EXOC4: variants seen among roughly 807,000 people sequenced by gnomAD.
EXOC4 encodes the protein SEC8-like 1.
Under a neutral mutation model 107.2 loss-of-function variants are expected in EXOC4, and 71 were observed. The observed-to-expected ratio is 0.66, with a 90% confidence interval of 0.55 to 0.81. The LOEUF is 0.81. Ranked by LOEUF, EXOC4 falls within the 30% of genes least tolerant of loss-of-function variation. EXOC4 has a pLI of 0.00. For missense variants in EXOC4, 1,108 were observed against 1,189.6 expected, an observed-to-expected ratio of 0.93 and a Z score of 1.01; for synonymous variants, 456 against 441.2, an observed-to-expected ratio of 1.03 and a Z score of -0.42.
chr7:133,980,143 A>G (rs780866000), intron 14 of EXOC4, among the ~76,000 whole-genome samples: 34 of 152,178 alleles, frequency 2.2e-4, no homozygotes, highest in Non-Finnish European at 4.0e-4. Context: ...TCATACTTCT[A>G]TGATGCCTTA....
chr7:133,576,984 G>A (rs771769869), intron 9 of EXOC4: 30 of 627,262 alleles, frequency 4.8e-5, no homozygotes, highest in East Asian at 1.3e-4. Context: ...TAATATGCCC[G>A]GGGTTGGATG....
chr7:134,009,837 A>G (rs1393140050), intron 17 of EXOC4: 1 of 152,182 alleles, frequency 6.6e-6, no homozygotes, highest in Non-Finnish European at 1.5e-5. Context: ...TTTGGCAGAC[A>G]GTCTGGGGCC....
chr7:133,435,218 G>A (rs140935796), intron 7 of EXOC4, among the ~76,000 whole-genome samples: 13 of 152,100 alleles, frequency 8.5e-5, no homozygotes, highest in African/African-American at 2.9e-4. Flanking sequence ...ATTGTGATAC[G>A]TCAGAGGTCA....
At position 133,620,412 on chromosome 7, in the gene EXOC4, G is replaced by A. The variant is rs181845400; in HGVS notation, c.1418-9633G>A. Among the ~76,000 whole-genome samples the A allele has an allele frequency of 6.1e-4, 93 of 152,286 alleles. 2 individuals carry two copies. In the East Asian group the frequency reaches 0.011, roughly 18 times the overall value. On this transcript the variant is annotated intron_variant, in intron 9 of 17. Coordinates refer to ENST00000253861, the MANE Select transcript of EXOC4 (RefSeq NM_021807.4). ...TTTGAAAAGCAATCTGGCAGTTTCT[G>A]AAGATGTTTAACACAGAGTTACCAT...
At chr7:133,370,899 A>G (rs553960815) in intron 6 of EXOC4, among the ~76,000 whole-genome samples, 1 of 152,166 alleles carries the variant, frequency 6.6e-6, no homozygotes, top group Non-Finnish European at 1.5e-5. Context: ...ACAGTTATTA[A>G]TTAATACTTT....
At chr7:133,366,480 T>G (rs781655112) in intron 6 of EXOC4, among the ~76,000 whole-genome samples, 24 of 152,258 alleles carry the variant, frequency 1.6e-4, no homozygotes, top group Non-Finnish European at 3.1e-4. Flanking sequence ...AAAATAGATT[T>G]TATTGCCATA....
At chr7:133,609,054 C>A (rs1412450980) in intron 9 of EXOC4, among the ~76,000 whole-genome samples, 1 of 152,052 alleles carries the variant, frequency 6.6e-6, no homozygotes, top group Admixed American at 6.6e-5. Context: ...AACTTCCAGT[C>A]ATTTTGTCAT....
chr7:133,354,883 G>A (rs949733823), intron 5 of EXOC4, among the ~76,000 whole-genome samples: 8 of 152,176 alleles, frequency 5.3e-5, no homozygotes, highest in Non-Finnish European at 1.0e-4. Flanking sequence ...AGACTCCAGA[G>A]TTACAAAATA....
intron 10 of EXOC4, among the ~76,000 whole-genome samples, chr7:133,664,015 C>T (rs1318786414): frequency 4.6e-5 from 7 of 152,148 alleles, no homozygotes; most frequent in African/African-American, 1.7e-4. Flanking sequence ...TCCAGCCACA[C>T]TGGCCTCTCA....
intron 5 of EXOC4, among the ~76,000 whole-genome samples, chr7:133,336,133 T>G (rs1471960093): frequency 6.6e-6 from 1 of 152,206 alleles, no homozygotes; most frequent in Non-Finnish European, 1.5e-5. Context: ...TTCTTCCATT[T>G]CATAGGTTGC....
intron 9 of EXOC4, among the ~76,000 whole-genome samples, chr7:133,620,855 T>C (rs1238601239): frequency 6.6e-6 from 1 of 152,194 alleles, no homozygotes; most frequent in African/African-American, 2.4e-5. Context: ...ACTGCAGTCT[T>C]CCAAAGTAAC....
chr7:134,046,386 C>T (rs536224629), intron 17 of EXOC4, among the ~76,000 whole-genome samples: 1 of 151,812 alleles, frequency 6.6e-6, no homozygotes, highest in South Asian at 2.1e-4. Context: ...AGGAGAATCG[C>T]TTGAACCTGG....
chr7:133,298,760 A>G (rs1441355912), intron 3 of EXOC4, among the ~76,000 whole-genome samples: 2 of 152,250 alleles, frequency 1.3e-5, no homozygotes, highest in Non-Finnish European at 1.5e-5. Flanking sequence ...AGAACTATGC[A>G]TAGCTTAGGA....
At chr7:133,624,636 A>C (rs920463788) in intron 9 of EXOC4, among the ~76,000 whole-genome samples, 2 of 151,868 alleles carry the variant, frequency 1.3e-5, no homozygotes, top group Non-Finnish European at 2.9e-5. Flanking sequence ...TCTGTCGGCC[A>C]GGTTGGAATG....
intron 10 of EXOC4, among the ~76,000 whole-genome samples, chr7:133,715,982 A>G (rs1299076499): frequency 1.3e-5 from 2 of 152,234 alleles, no homozygotes; most frequent in Non-Finnish European, 2.9e-5. Context: ...TAGGTGATGC[A>G]GAATCATTAA....
chr7:133,330,563 G>T (rs1795358253), intron 5 of EXOC4, among the ~76,000 whole-genome samples: 1 of 152,196 alleles, frequency 6.6e-6, no homozygotes, highest in Non-Finnish European at 1.5e-5. Context: ...GTAGGCACTG[G>T]AGGGAATCTC....
intron 6 of EXOC4, among the ~76,000 whole-genome samples, chr7:133,368,445 A>G (rs779185549): frequency 2.0e-5 from 3 of 152,238 alleles, no homozygotes; most frequent in Non-Finnish European, 4.4e-5. Flanking sequence ...AGGAACATCC[A>G]GAGTATCTAT....
chr7:133,907,532 G>A (rs768862861), intron 12 of EXOC4, among the ~76,000 whole-genome samples: 1 of 152,094 alleles, frequency 6.6e-6, no homozygotes, highest in African/African-American at 2.4e-5. Context: ...ATGTGTTACT[G>A]GTTAGAAATC....
intron 9 of EXOC4, among the ~76,000 whole-genome samples, chr7:133,566,389 ATTG>A (rs1195929137): frequency 6.6e-6 from 1 of 152,160 alleles, no homozygotes; most frequent in Non-Finnish European, 1.5e-5. Context: ...ATCTCATAGG[ATTG>A]TTGTGAGCAT....
Sources: gnomAD v4.1 joint callset for allele counts (sites outside exome capture counted in the v4.1 genomes callset) on GRCh38, gnomAD v4.1.1 for gene constraint, MANE v1.5 for transcripts, NCBI Gene and HGNC (gene_info 2026-07-23, HGNC 2026-07-21) for gene names.